Variants in ACVR1C observed in about 807,000 individuals in gnomAD.
ACVR1C encodes activin A receptor type 1C, also known as activin receptor type-1C.
In ACVR1C, 23 loss-of-function variants were observed where a neutral mutation model predicts 57.9. That is an observed-to-expected ratio of 0.40 (90% CI 0.29 to 0.56). The LOEUF (loss-of-function observed/expected upper bound fraction) is 0.56, where lower values mean the gene tolerates loss of function less well. Among genes scored for constraint, ACVR1C ranks in the 20% least tolerant of loss-of-function variants. ACVR1C has a pLI of 0.50. For missense variants in ACVR1C, 480 were observed against 607.9 expected (o/e 0.79, Z 2.21); for synonymous variants, 214 against 215.3 (o/e 0.99, Z 0.05).
Position 157,565,009 on chromosome 2 carries a change from C to T in ACVR1C, c.305-8677G>A, listed in dbSNP as rs748645462. 5.3e-5 allele frequency among the ~76,000 whole-genome samples: 8 copies of T among 151,862 alleles called. No homozygotes were observed. In the East Asian group the frequency reaches 5.8e-4, roughly 11 times the overall value. On this transcript the variant is annotated intron_variant, in intron 2 of 8. Transcript: ENST00000243349. ...CATTAGGACAAATAGCCAATGCATG[C>T]GGGGCTTAAAACCTAGATAATGGGT...
intron 1 of ACVR1C, among the ~76,000 whole-genome samples, chr2:157,600,568 G>C (rs1314937549): frequency 2.6e-5 from 4 of 152,186 alleles, no homozygotes; most frequent in African/African-American, 7.2e-5. Flanking sequence ...AGTCCTCAAG[G>C]GTTCTCAGGG....
intron 1 of ACVR1C, among the ~76,000 whole-genome samples, chr2:157,623,136 C>A (rs991025140): frequency 1.3e-5 from 2 of 152,066 alleles, no homozygotes; most frequent in Non-Finnish European, 2.9e-5. Context: ...TGGAAAAAAG[C>A]GAACATTTGT....
At chr2:157,576,835 CTTTTTTTT>C (rs1166673398) in intron 2 of ACVR1C, among the ~76,000 whole-genome samples, 6 of 41,712 alleles carry the variant, frequency 1.4e-4, no homozygotes, top group African/African-American at 5.4e-4. Flanking sequence ...TTGAAATTTT[CTTTTTTTT>C]TTTTTTTTTT....
Position 157,624,350 on chromosome 2 carries a change from C to T in ACVR1C, c.73+4222G>A, listed in dbSNP as rs144329772. Reference sequence around the variant, plus strand: ...TCTCCTCTCCTCTTAACCTTATTTACGGCAAGAGATGCAAGTAGTGCCAAG... The same window carrying T: ...TCTCCTCTCCTCTTAACCTTATTTATGGCAAGAGATGCAAGTAGTGCCAAG... On this transcript the variant is annotated intron_variant, in intron 1 of 8. Transcript: ENST00000243349. 5.6e-3 allele frequency among the ~76,000 whole-genome samples: 846 copies of T among 152,236 alleles called. 11 individuals are homozygous for T. The highest frequency in any genetic ancestry group is 0.019 in the African/African-American group (769 of 41,546).
intron 1 of ACVR1C, among the ~76,000 whole-genome samples, chr2:157,626,787 A>C (rs990311814): frequency 7.2e-5 from 11 of 152,210 alleles, no homozygotes; most frequent in Non-Finnish European, 1.6e-4. Flanking sequence ...AGGGGTAAAA[A>C]CTTCTTAAGG....
At chr2:157,608,049 C>G (rs969962942) in intron 1 of ACVR1C, among the ~76,000 whole-genome samples, 2 of 151,828 alleles carry the variant, frequency 1.3e-5, no homozygotes, top group African/African-American at 4.8e-5. Context: ...AGTCAGCATT[C>G]TTGTCTTATT....
chr2:157,554,546 C>T (rs1040190730), intron 3 of ACVR1C, among the ~76,000 whole-genome samples: 5 of 152,146 alleles, frequency 3.3e-5, no homozygotes, highest in African/African-American at 1.2e-4. Context: ...AAAGATGCTA[C>T]CTAATGTGTA....
At position 157,587,381 on chromosome 2, in the gene ACVR1C, T is replaced by G; in HGVS notation, c.110A>C (p.Asn37Thr). ...KCVCLLCDSS[N>T]FTCQTEGACW... ...TGCTCCTTCTGTTTGGCAGGTGAAG[T>G]TTGAAGAATCACACAAAAGACATAC... Residue 37 changes from asparagine (N) to threonine (T), a missense_variant, in exon 2 of 9, where the codon AAC (asparagine) becomes ACC (threonine). Coordinates refer to ENST00000243349, the MANE Select transcript of ACVR1C (RefSeq NM_145259.3). 6.2e-7 allele frequency: 1 copy of G among 1,613,478 alleles called. No individual in the cohort carries two copies. Among genetic ancestry groups the G allele is most frequent in the Non-Finnish European group, 8.5e-7 (1 of 1,179,554 alleles).
At chr2:157,598,754 G>C (rs1682202116) in intron 1 of ACVR1C, among the ~76,000 whole-genome samples, 1 of 151,952 alleles carries the variant, frequency 6.6e-6, no homozygotes, top group African/African-American at 2.4e-5. Context: ...GGCCAGGCTG[G>C]TCTTGAACTC....
chr2:157,607,845 AT>A (rs1682441119), intron 1 of ACVR1C, among the ~76,000 whole-genome samples: 1 of 151,700 alleles, frequency 6.6e-6, no homozygotes, highest in South Asian at 2.1e-4. Context: ...AGTTCTAGGA[AT>A]TTTTTTGGTG....
At chr2:157,554,213 A>AAGAAAGAAAGAAAGAG (rs1688004067) in intron 3 of ACVR1C, among the ~76,000 whole-genome samples, 1 of 97,728 alleles carries the variant, frequency 1.0e-5, no homozygotes, top group African/African-American at 5.2e-5. Flanking sequence ...GAAAGAAAGA[A>AAGAAAGAAAGAAAGAG]AGAAAGAAAG....
At chr2:157,578,925 A>G (rs1333826390) in intron 2 of ACVR1C, among the ~76,000 whole-genome samples, 2 of 152,214 alleles carry the variant, frequency 1.3e-5, no homozygotes, top group Non-Finnish European at 2.9e-5. Context: ...GGTGAATTTA[A>G]TGTTAAATTG....
chr2:157,536,893 C>A (rs1268817948), intron 8 of ACVR1C, among the ~76,000 whole-genome samples: 1 of 152,120 alleles, frequency 6.6e-6, no homozygotes, highest in African/African-American at 2.4e-5. Flanking sequence ...TATGTTGGGT[C>A]TATTCCAAGA....
chr2:157,564,605 G>T (rs1452315802), intron 2 of ACVR1C, among the ~76,000 whole-genome samples: 1 of 152,138 alleles, frequency 6.6e-6, no homozygotes, highest in Non-Finnish European at 1.5e-5. Context: ...CCATTACTGG[G>T]TATATACCCA....
At chr2:157,554,921 A>G in intron 3 of ACVR1C, among the ~76,000 whole-genome samples, 1 of 152,030 alleles carries the variant, frequency 6.6e-6, no homozygotes, top group Non-Finnish European at 1.5e-5. Flanking sequence ...ATATATATAT[A>G]TGGAATCCCC....
intron 1 of ACVR1C, among the ~76,000 whole-genome samples, chr2:157,611,568 T>C (rs1156870062): frequency 6.6e-6 from 1 of 152,180 alleles, no homozygotes; most frequent in East Asian, 1.9e-4. Flanking sequence ...GGCAATAGGC[T>C]TGTTGTGGGC....
intron 6 of ACVR1C, among the ~76,000 whole-genome samples, chr2:157,541,509 T>A (rs1309812526): frequency 6.6e-6 from 1 of 152,196 alleles, no homozygotes; most frequent in African/African-American, 2.4e-5. Flanking sequence ...TGAGCCTTGC[T>A]GTACTAGGGA....
intron 4 of ACVR1C, among the ~76,000 whole-genome samples, chr2:157,544,906 C>T (rs1294733633): frequency 1.3e-5 from 2 of 152,074 alleles, no homozygotes; most frequent in African/African-American, 4.8e-5. Flanking sequence ...TACCTGCTGG[C>T]AATAGTAACC....
chr2:157,618,642 T>A (rs1033331791), intron 1 of ACVR1C, among the ~76,000 whole-genome samples: 1 of 151,640 alleles, frequency 6.6e-6, no homozygotes, highest in Non-Finnish European at 1.5e-5. Flanking sequence ...AAAACTGGAA[T>A]AACAGAGTAA....
Sources: allele counts gnomAD v4.1 joint callset (sites outside exome capture counted in the v4.1 genomes callset), GRCh38; gene constraint gnomAD v4.1.1; transcripts MANE v1.5; gene names NCBI Gene and HGNC (gene_info 2026-07-23, HGNC 2026-07-21).